The following FSHR variants were observed in gnomAD, a reference collection of about 807,000 sequenced individuals.
FSHR encodes follicle-stimulating hormone receptor.
In FSHR, 46 loss-of-function variants were observed where a neutral mutation model predicts 52.1. The ratio of observed to expected loss-of-function variants is 0.88; its 90% confidence interval spans 0.70 to 1.13. The LOEUF (loss-of-function observed/expected upper bound fraction) is 1.13, where lower values mean the gene tolerates loss of function less well. Ranked by LOEUF, FSHR falls within the 50% of genes most tolerant of loss-of-function variation. The probability of loss-of-function intolerance (pLI) is 0.00; values close to 1 mark genes in which losing one functional copy is unlikely to be tolerated. For missense variants in FSHR, 964 were observed against 834.6 expected (o/e 1.16, Z -1.91); for synonymous variants, 399 against 309.6 (o/e 1.29, Z -3.03).
At chr2:49,046,975 A>G (rs1400086224) in intron 2 of FSHR, among the ~76,000 whole-genome samples, 1 of 152,140 alleles carries the variant, frequency 6.6e-6, no homozygotes, top group Non-Finnish European at 1.5e-5. Flanking sequence ...AAATTTCTTG[A>G]TGAATTAGCT....
chr2:49,032,165 C>T (rs975504103), intron 2 of FSHR, among the ~76,000 whole-genome samples: 8 of 152,296 alleles, frequency 5.3e-5, no homozygotes, highest in African/African-American at 1.7e-4. Context: ...AAAGTTTTCT[C>T]CAAGGAAGCC....
intron 1 of FSHR, among the ~76,000 whole-genome samples, chr2:49,094,425 G>T (rs528002991): frequency 7.9e-5 from 12 of 152,202 alleles, no homozygotes; most frequent in African/African-American, 2.9e-4. Flanking sequence ...TGCCATTTCT[G>T]TTGCATTTCC....
At chr2:49,105,874 G>C (rs1359824204) in intron 1 of FSHR, among the ~76,000 whole-genome samples, 1 of 151,760 alleles carries the variant, frequency 6.6e-6, no homozygotes, top group Non-Finnish European at 1.5e-5. Flanking sequence ...CACTGACTCA[G>C]ACAAGAGTTT....
chr2:49,127,905 T>TCTTCTTC lies in FSHR; in HGVS notation c.152+26360_152+26361insGAAGAAG, dbSNP rs1484592346. Among the ~76,000 whole-genome samples the TCTTCTTC allele has an allele frequency of 1.3e-4, 17 of 135,170 alleles. 1 individual carries two copies. The highest frequency in any genetic ancestry group is 4.8e-4 in the African/African-American group (16 of 33,536). 88.7% of individuals were successfully genotyped at this position (135,170 alleles called of 152,430 possible). A position where few individuals can be genotyped will look rare whatever the true frequency, so the allele number is the denominator to read the frequency against. On this transcript the variant is annotated intron_variant, in intron 1 of 9. Transcript: ENST00000406846. ...CTTCTTCTTCTTCTTCTTCTTTTTTTTTTTTGAGACGGAGTCTTACTCTGT... is the reference window on the plus strand; with the variant it reads ...CTTCTTCTTCTTCTTCTTCTTTTTTTCTTCTTCTTTTTGAGACGGAGTCTTACTCTGT...
At chr2:49,036,456 A>T (rs1449071032) in intron 2 of FSHR, among the ~76,000 whole-genome samples, 1 of 151,306 alleles carries the variant, frequency 6.6e-6, no homozygotes, top group Admixed American at 6.6e-5. Flanking sequence ...AAATCATGTT[A>T]TATATTGTTA....
chr2:49,147,121 G>A (rs1164227680), intron 1 of FSHR, among the ~76,000 whole-genome samples: 3 of 151,974 alleles, frequency 2.0e-5, no homozygotes, highest in Admixed American at 6.6e-5. Flanking sequence ...TATTTCATAC[G>A]AAAGAACAAG....
chr2:48,973,707 G>A lies in FSHR; in HGVS notation c.669-4824C>T, dbSNP rs115505615. 3.1e-3 allele frequency among the ~76,000 whole-genome samples: 469 copies of A among 152,330 alleles called. 6 individuals are homozygous for A. The highest frequency in any genetic ancestry group is 0.011 in the African/African-American group (454 of 41,574). On this transcript the variant is annotated intron_variant, in intron 8 of 9. Transcript: ENST00000406846. Reference sequence around the variant, plus strand: ...TCGCATTCTCAGCGGTGCCTTTCATGTAGTGAGTACCCAGAAACTTATTGC... The same window carrying A: ...TCGCATTCTCAGCGGTGCCTTTCATATAGTGAGTACCCAGAAACTTATTGC...
chr2:48,984,011 C>T (rs1675375602), intron 6 of FSHR, among the ~76,000 whole-genome samples: 1 of 152,130 alleles, frequency 6.6e-6, no homozygotes, highest in South Asian at 2.1e-4. Flanking sequence ...GCCCGAAGAA[C>T]CTCTGACTAC....
At chr2:49,037,584 TGAA>T (rs554273929) in intron 2 of FSHR, among the ~76,000 whole-genome samples, 84 of 152,082 alleles carry the variant, frequency 5.5e-4, no homozygotes, top group African/African-American at 1.8e-3. Flanking sequence ...TAAGAAAATT[TGAA>T]GAAGAACAGA....
At position 49,050,188 on chromosome 2, in the gene FSHR, T is replaced by C. The variant is rs17038172; in HGVS notation, c.224+18031A>G. Reference sequence around the variant, plus strand: ...ACGTTTGACCTGGGTCAATAATAACTGCTTAATTGGCCCAAATCTTATATT... The same window carrying C: ...ACGTTTGACCTGGGTCAATAATAACCGCTTAATTGGCCCAAATCTTATATT... On this transcript the variant is annotated intron_variant, in intron 2 of 9. Coordinates refer to ENST00000406846, the MANE Select transcript of FSHR (RefSeq NM_000145.4). 8.3e-3 allele frequency among the ~76,000 whole-genome samples: 1,268 copies of C among 152,304 alleles called. 16 individuals carry two copies. The highest frequency in any genetic ancestry group is 0.029 in the African/African-American group (1,188 of 41,568).
intron 3 of FSHR, among the ~76,000 whole-genome samples, chr2:49,019,566 G>T (rs1385242032): frequency 6.6e-6 from 1 of 152,194 alleles, no homozygotes; most frequent in Non-Finnish European, 1.5e-5. Flanking sequence ...CAGTCAGTAT[G>T]CTAGATTTAA....
At chr2:48,974,229 CA>C (rs1187107660) in intron 8 of FSHR, among the ~76,000 whole-genome samples, 1 of 152,172 alleles carries the variant, frequency 6.6e-6, no homozygotes, top group African/African-American at 2.4e-5. Flanking sequence ...GCAATGCCAA[CA>C]AGAAGACAGA....
intron 1 of FSHR, among the ~76,000 whole-genome samples, chr2:49,112,333 C>A (rs866967118): frequency 6.6e-6 from 1 of 152,018 alleles, no homozygotes; most frequent in Non-Finnish European, 1.5e-5. Flanking sequence ...AATACACACA[C>A]AATAGAACAC....
At chr2:49,114,514 C>T (rs115564970) in intron 1 of FSHR, among the ~76,000 whole-genome samples, 48 of 152,258 alleles carry the variant, frequency 3.2e-4, no homozygotes, top group African/African-American at 1.2e-3. Flanking sequence ...TTCAGACTGG[C>T]TGTAATACTA....
rs1431021929 is a variant in FSHR at position 48,990,518 on chromosome 2, G to T, written c.446+48C>A. ...AAAGGCCCAGATAGCCGTTGGGCAA[G>T]ACAGATACTGAGTAAAGAGTTGGTA... On this transcript the variant is annotated intron_variant, in intron 5 of 9. Transcript: ENST00000406846. 9 of 1,220,378 alleles carry T rather than the reference G, an allele frequency of 7.4e-6. No homozygotes were observed. In the Admixed American group the frequency reaches 1.3e-4, roughly 18 times the overall value. 75.6% of individuals were successfully genotyped at this position (1,220,378 alleles called of 1,614,324 possible).
intron 2 of FSHR, among the ~76,000 whole-genome samples, chr2:49,030,332 G>A (rs1472745507): frequency 6.7e-6 from 1 of 150,312 alleles, no homozygotes; most frequent in Non-Finnish European, 1.5e-5. Context: ...AGGCTGTCCT[G>A]TCCACTGCTG....
intron 1 of FSHR, among the ~76,000 whole-genome samples, chr2:49,119,191 G>A (rs1202161005): frequency 6.6e-6 from 1 of 152,196 alleles, no homozygotes; most frequent in Non-Finnish European, 1.5e-5. Context: ...ATTGGGGAAT[G>A]TGATAGTGGG....
intron 1 of FSHR, among the ~76,000 whole-genome samples, chr2:49,108,306 T>C (rs1282919991): frequency 6.6e-6 from 1 of 152,132 alleles, no homozygotes; most frequent in African/African-American, 2.4e-5. Context: ...TTGTGAGACT[T>C]CTCAGCCTCC....
chr2:48,990,577 T>C lies in FSHR; in HGVS notation c.435A>G (p.Gln145=). 4 of 1,609,874 alleles carry C rather than the reference T, an allele frequency of 2.5e-6. No individual in the cohort carries two copies. Among genetic ancestry groups the C allele is most frequent in the South Asian group, 1.1e-5 (1 of 90,994 alleles). The change falls in exon 5 of 10, where the codon CAA becomes CAG. Residue 145 remains glutamine, a synonymous_variant. Transcript: ENST00000406846. ...AGGAAAAAACTTACAGTAAAACTTTTTGGAGAGAATGAATCTTGTGAACAT... is the reference window on the plus strand; with the variant it reads ...AGGAAAAAACTTACAGTAAAACTTTCTGGAGAGAATGAATCTTGTGAACAT... ...LPDVHKIHSL[Q]KVLLDIQDNI...
Sources: allele counts gnomAD v4.1 joint callset (sites outside exome capture counted in the v4.1 genomes callset), GRCh38; gene constraint gnomAD v4.1.1; transcripts MANE v1.5; gene names NCBI Gene and HGNC (gene_info 2026-07-23, HGNC 2026-07-21).